The following METTL21C variants were observed in gnomAD, a reference collection of about 807,000 sequenced individuals.
The protein encoded by METTL21C is protein-lysine methyltransferase METTL21C.
In METTL21C, 21 loss-of-function variants were observed where a neutral mutation model predicts 25.9. The observed-to-expected ratio is 0.81, with a 90% CI of 0.58 to 1.17. The LOEUF is 1.17. Ranked by LOEUF, METTL21C falls within the 50% of genes most tolerant of loss-of-function variation. The pLI, the probability that METTL21C is intolerant of heterozygous loss-of-function variation, is 0.00. For synonymous variants in METTL21C, 125 were observed against 124.7 expected (o/e 1.00, Z -0.01); for missense variants, 312 against 315.1 (o/e 0.99, Z 0.07).
At chr13:102,692,274 C>T (rs1003004208) in intron 1 of METTL21C, among the ~76,000 whole-genome samples, 1 of 146,852 alleles carries the variant, frequency 6.8e-6, no homozygotes, top group Admixed American at 7.0e-5. Flanking sequence ...ACCTGGTCAG[C>T]AGGGCATCCC....
At chr13:102,690,142 CG>C (rs987272117) in intron 2 of METTL21C, among the ~76,000 whole-genome samples, 16 of 151,898 alleles carry the variant, frequency 1.1e-4, no homozygotes, top group African/African-American at 3.6e-4. Flanking sequence ...GCTGGCCGGC[CG>C]GGCGTGGTGG....
At chr13:102,689,271 T>C (rs1320773076) in intron 2 of METTL21C, among the ~76,000 whole-genome samples, 4 of 152,172 alleles carry the variant, frequency 2.6e-5, no homozygotes, top group Non-Finnish European at 1.5e-5. Flanking sequence ...ACCACTGCTG[T>C]CGTCTATTTG....
intron 2 of METTL21C, among the ~76,000 whole-genome samples, chr13:102,688,892 G>T (rs1885750855): frequency 6.6e-6 from 1 of 152,042 alleles, no homozygotes; most frequent in Non-Finnish European, 1.5e-5. Context: ...TGTCCTGTTA[G>T]CAAACTCTGA....
the METTL21C span, among the ~76,000 whole-genome samples, chr13:102,702,564 G>A: frequency 2.6e-5 from 4 of 152,010 alleles, no homozygotes; most frequent in East Asian, 1.9e-4. Context: ...TATCAACTGC[G>A]TGTAAGATCC....
upstream of METTL21C, among the ~76,000 whole-genome samples, chr13:102,699,228 C>T (rs935818924): frequency 6.6e-6 from 1 of 152,292 alleles, no homozygotes; most frequent in African/African-American, 2.4e-5. Context: ...ACAGTGGAGA[C>T]CCACCCTTTC....
chr13:102,692,292 G>A (rs894748695), intron 1 of METTL21C, among the ~76,000 whole-genome samples: 1 of 82,282 alleles, frequency 1.2e-5, no homozygotes, highest in Admixed American at 1.4e-4. Flanking sequence ...CCCTCAGGTC[G>A]GGGGCAGGGC....
intron 1 of METTL21C, among the ~76,000 whole-genome samples, chr13:102,693,904 G>A (rs1885888293): frequency 6.6e-6 from 1 of 152,110 alleles, no homozygotes; most frequent in African/African-American, 2.4e-5. Flanking sequence ...TAGATCATTT[G>A]TTATGTCTAT....
rs116419148 is a variant in METTL21C at position 102,685,915 on chromosome 13, A to G, written c.*116T>C. 5.1e-4 allele frequency: 498 copies of G among 979,848 alleles called. 5 individuals carry two copies. The African/African-American group carries it at 7.8e-3, about 15-fold the overall frequency. 60.7% of individuals were successfully genotyped at this position (979,848 alleles called of 1,614,324 possible). A position where few individuals can be genotyped will look rare whatever the true frequency, so the allele number is the denominator to read the frequency against. On this transcript the variant is annotated 3_prime_UTR_variant, in exon 4 of 4. Coordinates refer to ENST00000267273, the MANE Select transcript of METTL21C (RefSeq NM_001010977.3). ...GTATTGTTACATTTGTTCCAAGTATACAAGTTGTTTCTATGCACTACCTTC... is the reference window on the plus strand; with the variant it reads ...GTATTGTTACATTTGTTCCAAGTATGCAAGTTGTTTCTATGCACTACCTTC...
the METTL21C span, among the ~76,000 whole-genome samples, chr13:102,700,323 T>A: frequency 6.6e-6 from 1 of 152,198 alleles, no homozygotes; most frequent in Non-Finnish European, 1.5e-5. Context: ...TTGATAGACT[T>A]ATATGCACTT....
chr13:102,695,323 A>G (rs1228665575), upstream of METTL21C, among the ~76,000 whole-genome samples: 3 of 152,184 alleles, frequency 2.0e-5, no homozygotes, highest in African/African-American at 7.2e-5. Context: ...GGAAGAGGAA[A>G]TCAGAAAAAC....
rs774775022 is a variant in METTL21C, at chr13:102,686,344, G to C, written c.482C>G (p.Thr161Arg). 6.2e-7 allele frequency: 1 copy of C among 1,614,182 alleles called. No homozygotes were observed. The highest frequency in any genetic ancestry group is 8.5e-7 in the Non-Finnish European group (1 of 1,180,022). The change falls in exon 4 of 4, where the codon ACA becomes AGA. Residue 161 changes from threonine (T) to arginine (R), a missense_variant. Thr to Arg is a moderately conservative substitution (Grantham distance 71). Coordinates refer to ENST00000267273, the MANE Select transcript of METTL21C (RefSeq NM_001010977.3). Reference sequence around the variant, plus strand: ...TTCTTTCACTTCAGGCAGATGTGCTGTACATTGTAGTGTGTTTTTTAAAAG... The same window carrying C: ...TTCTTTCACTTCAGGCAGATGTGCTCTACATTGTAGTGTGTTTTTTAAAAG... ...YNLLKNTLQC[T>R]AHLPEVKELV...
rs149948690 is a variant in METTL21C at position 102,690,880 on chromosome 13, C to G, written c.215G>C (p.Arg72Pro). ...GATGACAATCTCCTTTCCTGCAAAC[C>G]GATAATGCTCCTGAGTGTAGCTGGC... ...DYASYTQEHY[R>P]FAGKEIVIQE... is the part of the protein sequence containing the mutation. Residue 72 changes from arginine to proline, a missense_variant, in exon 2 of 4, where the codon CGG becomes CCG. Coordinates refer to ENST00000267273, the MANE Select transcript of METTL21C (RefSeq NM_001010977.3). The G allele has an allele frequency of 9.0e-3, 14,459 of 1,614,054 alleles. 113 individuals carry two copies. Among genetic ancestry groups the G allele is most frequent in the South Asian group, 0.019 (1,713 of 91,070 alleles).
chr13:102,700,618 G>A, the METTL21C span, among the ~76,000 whole-genome samples: 2 of 152,184 alleles, frequency 1.3e-5, no homozygotes, highest in Admixed American at 1.3e-4. Context: ...AAATGTGCTT[G>A]AAATAAGGGA....
chr13:102,686,482 T>C, intron 3 of METTL21C, 57 bp from the exon 4 acceptor site: 1 of 1,529,090 alleles, frequency 6.5e-7, no homozygotes, highest in Admixed American at 2.1e-5. Context: ...AGTGTACATA[T>C]ACCCAGGGAG....
chr13:102,690,842 C>T lies in METTL21C; in HGVS notation c.253G>A (p.Glu85Lys). 6.2e-7 allele frequency: 1 copy of T among 1,614,176 alleles called. No individual in the cohort carries two copies. Among genetic ancestry groups the T allele is most frequent in the Middle Eastern group, 1.6e-4 (1 of 6,062 alleles). The change falls in exon 2 of 4, where the codon GAG (glutamate) becomes AAG (lysine). Residue 85 changes from glutamate (E) to lysine (K), a missense_variant. By Grantham distance (56) the Glu-to-Lys change is moderately conservative (BLOSUM62 1). Transcript: ENST00000267273. Reference sequence around the variant, plus strand: ...GGCCACACCACCGCTCCGTAACTCTCTATGGATTCCTGGATGACAATCTCC... The same window carrying T: ...GGCCACACCACCGCTCCGTAACTCTTTATGGATTCCTGGATGACAATCTCC... ...GKEIVIQESI[E>K]SYGAVVWPGA...
At chr13:102,694,111 A>T (rs1885891513) in intron 1 of METTL21C, among the ~76,000 whole-genome samples, 1 of 152,042 alleles carries the variant, frequency 6.6e-6, no homozygotes, top group African/African-American at 2.4e-5. Context: ...CAGCAAGCTT[A>T]GATCTATACA....
At position 102,690,796 on chromosome 13, in the gene METTL21C, T is replaced by C. The variant is rs756007248; in HGVS notation, c.282+17A>G. The C allele has an allele frequency of 2.5e-6, 4 of 1,611,142 alleles. No individual in the cohort carries two copies. In the African/African-American group the frequency reaches 4.0e-5, roughly 16 times the overall value. ...TCTCCAGAAATCCTGACATCACAAA[T>C]ATGACAGTTCTCTCACCCCTGGCCA... On this transcript the variant is annotated intron_variant, in intron 2 of 3. Transcript: ENST00000267273.
chr13:102,686,458 A>T (rs775073216), intron 3 of METTL21C, 33 bp from the exon 4 acceptor site: 1 of 1,581,542 alleles, frequency 6.3e-7, no homozygotes, highest in Admixed American at 1.8e-5. Context: ...ACCTGGAAAC[A>T]TCTGGGCAGT....
upstream of METTL21C, among the ~76,000 whole-genome samples, chr13:102,698,382 C>T (rs1461059381): frequency 6.6e-6 from 1 of 152,286 alleles, no homozygotes; most frequent in Admixed American, 6.5e-5. Flanking sequence ...TTCTCTGACG[C>T]ACTTCCTTGT....
Sources: gnomAD v4.1 joint callset for allele counts (sites outside exome capture counted in the v4.1 genomes callset) on GRCh38, gnomAD v4.1.1 for gene constraint, MANE v1.5 for transcripts, NCBI Gene and HGNC (gene_info 2026-07-23, HGNC 2026-07-21) for gene names.